FOXO3: variants seen among roughly 807,000 people sequenced by gnomAD.
FOXO3 encodes the protein forkhead box O3, also known as forkhead box protein O3.
In FOXO3, 4 loss-of-function variants were observed where a neutral mutation model predicts 41.9. The ratio of observed to expected loss-of-function variants is 0.10; its 90% CI spans 0.05 to 0.22. The LOEUF is 0.22. FOXO3 is among the 10% of genes least tolerant of loss of function. The pLI is 1.00. For synonymous variants in FOXO3, 318 were observed against 389.3 expected (o/e 0.82, Z 2.16); for missense variants, 534 against 906.8 (o/e 0.59, Z 5.28).
chr6:108,616,250 C>T (rs924734282), intron 1 of FOXO3, among the ~76,000 whole-genome samples: 38 of 150,204 alleles, frequency 2.5e-4, no homozygotes, highest in African/African-American at 8.1e-4. Flanking sequence ...CTGCAAGCTC[C>T]GCCTCGTGGG....
intron 1 of FOXO3, among the ~76,000 whole-genome samples, chr6:108,576,233 T>C (rs903533585): frequency 1.2e-4 from 18 of 152,186 alleles, no homozygotes; most frequent in African/African-American, 3.9e-4. Context: ...TTTAGTCTCC[T>C]CCCCTTACAA....
chr6:108,639,775 T>G (rs1778206449), intron 1 of FOXO3, among the ~76,000 whole-genome samples: 1 of 152,240 alleles, frequency 6.6e-6, no homozygotes, highest in African/African-American at 2.4e-5. Context: ...AAGACAAAAC[T>G]TGAATGATCA....
Position 108,561,386 on chromosome 6 carries a change from G to A in FOXO3, c.178G>A (p.Glu60Lys). The A allele has an allele frequency of 6.4e-7, 1 of 1,553,654 alleles. No individual in the cohort carries two copies. Among genetic ancestry groups the A allele is most frequent in the Non-Finnish European group, 8.7e-7 (1 of 1,151,456 alleles). The stretch of plus-strand genomic sequence containing the variant: ...GGCCGCCGACTCCATGATCCCCGAG[G>A]AGGAGGACGATGAAGACGACGAGGA... ...ETAADSMIPE[E>K]EDDEDDEDGG... Residue 60 changes from glutamate (E) to lysine (K), a missense_variant, in exon 1 of 3, where the codon GAG (glutamate) becomes AAG (lysine). Around this residue, in one of 8 missense-constraint regions of FOXO3, gnomAD observed 139 missense variants for 163.7 expected, o/e 0.85. Coordinates refer to ENST00000406360, the MANE Select transcript of FOXO3 (RefSeq NM_001455.4).
chr6:108,560,704 C>A (rs935847242), upstream of FOXO3, among the ~76,000 whole-genome samples: 2 of 152,130 alleles, frequency 1.3e-5, no homozygotes, highest in African/African-American at 4.8e-5. Context: ...CACGCACACC[C>A]GAGCTCGGGC....
chr6:108,584,505 G>A (rs919379062), intron 1 of FOXO3, among the ~76,000 whole-genome samples: 2 of 152,146 alleles, frequency 1.3e-5, no homozygotes, highest in African/African-American at 2.4e-5. Context: ...ATCCTTTCGC[G>A]TTGGCTTTGC....
chr6:108,583,753 T>A (rs952433980), intron 1 of FOXO3, among the ~76,000 whole-genome samples: 1 of 152,258 alleles, frequency 6.6e-6, no homozygotes, highest in Non-Finnish European at 1.5e-5. Context: ...CCACTTCTAG[T>A]CACTTTAAAT....
chr6:108,591,138 GTAGCTGGGACTTATC>G (rs1165030276), intron 1 of FOXO3, among the ~76,000 whole-genome samples: 1 of 152,212 alleles, frequency 6.6e-6, no homozygotes, highest in Non-Finnish European at 1.5e-5. Flanking sequence ...CATCTCAGGT[GTAGCTGGGACTTATC>G]GGGTGACCTT....
chr6:108,623,077 A>G (rs1006405906), intron 1 of FOXO3, among the ~76,000 whole-genome samples: 4 of 151,958 alleles, frequency 2.6e-5, no homozygotes, highest in African/African-American at 9.7e-5. Context: ...TTTCCATCTC[A>G]TCTTGGACAT....
At chr6:108,649,775 A>T (rs1436457661) in intron 1 of FOXO3, among the ~76,000 whole-genome samples, 1 of 152,104 alleles carries the variant, frequency 6.6e-6, no homozygotes, top group Non-Finnish European at 1.5e-5. Flanking sequence ...GTTTGAAAGG[A>T]TCTGATGAGC....
intron 1 of FOXO3, among the ~76,000 whole-genome samples, chr6:108,616,841 A>G (rs768360560): frequency 6.2e-4 from 95 of 152,182 alleles, no homozygotes; most frequent in Non-Finnish European, 1.2e-3. Context: ...ATGTCAGTCT[A>G]TAGGGACTCT....
intron 1 of FOXO3, among the ~76,000 whole-genome samples, chr6:108,601,203 G>A (rs993883573): frequency 4.6e-5 from 7 of 151,152 alleles, no homozygotes; most frequent in African/African-American, 9.7e-5. Flanking sequence ...TAGTAGAGAC[G>A]GGGTTTCACT....
chr6:108,563,546 G>A (rs776800518), intron 1 of FOXO3, among the ~76,000 whole-genome samples: 1 of 152,212 alleles, frequency 6.6e-6, no homozygotes, highest in Non-Finnish European at 1.5e-5. Flanking sequence ...CAGGATCTGA[G>A]AACATGGATT....
At chr6:108,617,631 T>A (rs1162078799) in intron 1 of FOXO3, among the ~76,000 whole-genome samples, 1 of 152,204 alleles carries the variant, frequency 6.6e-6, no homozygotes, top group African/African-American at 2.4e-5. Context: ...TATGGGTTTT[T>A]TGTTTGTTTG....
intron 1 of FOXO3, among the ~76,000 whole-genome samples, chr6:108,656,123 C>T (rs1260706342): frequency 1.3e-5 from 2 of 149,534 alleles, no homozygotes; most frequent in African/African-American, 4.9e-5. Context: ...CCCACCCCAC[C>T]CCACCCCACC....
rs774102539 is a variant in FOXO3, at chr6:108,561,415, C to T, written c.207C>T (p.Gly69=). The part of the protein sequence containing the change: ...EEEDDEDDED[G]GGRAGSAMAI... ...AGGACGATGAAGACGACGAGGACGG[C>T]GGGGGACGGGCCGGCTCGGCCATGG... The change falls in exon 1 of 3, where the codon GGC becomes GGT. Residue 69 remains glycine, a synonymous_variant. Transcript: ENST00000406360. 3.4e-5 allele frequency: 52 copies of T among 1,542,710 alleles called. 1 individual carries two copies. In the East Asian group the frequency reaches 9.4e-4, roughly 28 times the overall value.
At chr6:108,668,310 A>G (rs1779116011) in intron 2 of FOXO3, among the ~76,000 whole-genome samples, 1 of 152,208 alleles carries the variant, frequency 6.6e-6, no homozygotes, top group Non-Finnish European at 1.5e-5. Flanking sequence ...ATTTTAGACC[A>G]CGTGTAGAAT....
chr6:108,563,461 A>G lies in FOXO3; in HGVS notation c.621+1632A>G, dbSNP rs181477847. ...TCCATTTGAAAAGAGCACTAGTGTG[A>G]TATGTTTTAAAACTGGGTTTCCAAG... On this transcript the variant is annotated intron_variant, in intron 1 of 2. Transcript: ENST00000406360. Among the ~76,000 whole-genome samples, 32 of 152,358 alleles carry G rather than the reference A, an allele frequency of 2.1e-4. No individual in the cohort carries two copies. In the East Asian group the frequency reaches 6.2e-3, roughly 29 times the overall value.
intron 1 of FOXO3, among the ~76,000 whole-genome samples, chr6:108,616,213 T>C (rs1223651953): frequency 6.9e-6 from 1 of 144,490 alleles, no homozygotes; most frequent in Non-Finnish European, 1.5e-5. Context: ...CGCCCAGGCT[T>C]GAGTGCAGTG....
At chr6:108,596,662 CAATTTGGGAGAATCCAG>C in intron 1 of FOXO3, among the ~76,000 whole-genome samples, 1 of 152,148 alleles carries the variant, frequency 6.6e-6, no homozygotes, top group African/African-American at 2.4e-5. Flanking sequence ...AAGTTACAGG[CAATTTGGGAGAATCCAG>C]AACACTAGCC....
Sources: gnomAD v4.1 joint callset for allele counts (sites outside exome capture counted in the v4.1 genomes callset) on GRCh38, gnomAD v4.1.1 for gene constraint, gnomAD v4.1.1 regional missense constraint, MANE v1.5 for transcripts, NCBI Gene and HGNC (gene_info 2026-07-23, HGNC 2026-07-21) for gene names.